Variants in PTPRD observed in about 807,000 individuals in gnomAD.
PTPRD encodes receptor-type tyrosine-protein phosphatase delta.
A neutral mutation model predicts 214.5 loss-of-function variants in PTPRD; 34 were observed. The ratio of observed to expected loss-of-function variants is 0.16; its 90% confidence interval spans 0.12 to 0.21. PTPRD has a LOEUF of 0.21. Among genes scored for constraint, PTPRD ranks in the 10% least tolerant of loss-of-function variants. The pLI is 1.00. For missense variants in PTPRD, 2,545 were observed against 2,398.7 expected, an observed-to-expected ratio of 1.06 and a Z score of -1.27; for synonymous variants, 1,128 against 845.7, an observed-to-expected ratio of 1.33 and a Z score of -5.79.
intron 2 of PTPRD, among the ~76,000 whole-genome samples, chr9:10,519,445 A>C (rs1181487129): frequency 7.9e-5 from 12 of 152,112 alleles, no homozygotes; most frequent in Admixed American, 2.6e-4. Context: ...AACATCTAAC[A>C]ATTAACCAAT....
intron 7 of PTPRD, among the ~76,000 whole-genome samples, chr9:9,711,792 A>G (rs1444258962): frequency 1.3e-5 from 2 of 151,962 alleles, no homozygotes; most frequent in Non-Finnish European, 2.9e-5. Context: ...AGACCGAAAA[A>G]CTCTGCCTTT....
At chr9:10,364,191 T>C (rs1382383153) in intron 2 of PTPRD, among the ~76,000 whole-genome samples, 1 of 151,616 alleles carries the variant, frequency 6.6e-6, no homozygotes, top group African/African-American at 2.4e-5. Flanking sequence ...TTAGTAGAGA[T>C]AGGGTTTCAC....
intron 2 of PTPRD, among the ~76,000 whole-genome samples, chr9:10,546,173 A>T (rs1185316109): frequency 3.3e-5 from 5 of 151,950 alleles, no homozygotes. Context: ...ACACAAACAG[A>T]CCCATAAACA....
At chr9:9,268,906 A>G (rs532629915) in intron 9 of PTPRD, among the ~76,000 whole-genome samples, 10 of 151,044 alleles carry the variant, frequency 6.6e-5, no homozygotes, top group Non-Finnish European at 1.2e-4. Context: ...ATAGAATTCC[A>G]GAAGAAAACA....
chr9:10,057,952 T>C (rs1291488542), intron 3 of PTPRD, among the ~76,000 whole-genome samples: 1 of 152,016 alleles, frequency 6.6e-6, no homozygotes, highest in Non-Finnish European at 1.5e-5. Context: ...TAAGAATGAC[T>C]TTAGTCTGTT....
At chr9:8,699,874 T>C (rs915727303) in intron 12 of PTPRD, among the ~76,000 whole-genome samples, 1 of 152,170 alleles carries the variant, frequency 6.6e-6, no homozygotes, top group Non-Finnish European at 1.5e-5. Context: ...GAGTTTCCCA[T>C]TGTGATAAGG....
At chr9:10,479,918 T>C (rs2099087130) in intron 2 of PTPRD, among the ~76,000 whole-genome samples, 1 of 152,114 alleles carries the variant, frequency 6.6e-6, no homozygotes, top group South Asian at 2.1e-4. Context: ...ATTGCAGGGA[T>C]GTTAAAGAAA....
At chr9:9,602,035 G>T (rs1447793286) in intron 7 of PTPRD, among the ~76,000 whole-genome samples, 1 of 151,986 alleles carries the variant, frequency 6.6e-6, no homozygotes, top group Non-Finnish European at 1.5e-5. Context: ...ATTTTTGTAG[G>T]CAGATGATCT....
intron 10 of PTPRD, among the ~76,000 whole-genome samples, chr9:9,106,659 T>C (rs1368936196): frequency 7.0e-6 from 1 of 143,120 alleles, no homozygotes; most frequent in Non-Finnish European, 1.5e-5. Flanking sequence ...GGCTCCTACC[T>C]AAGTTTAATA....
At chr9:8,615,479 T>C (rs769915769) in intron 14 of PTPRD, among the ~76,000 whole-genome samples, 12 of 152,122 alleles carry the variant, frequency 7.9e-5, no homozygotes, top group Non-Finnish European at 1.8e-4. Flanking sequence ...GTGTGGACAA[T>C]GGCCTTTCAT....
At chr9:9,002,381 C>T (rs1168972843) in intron 11 of PTPRD, among the ~76,000 whole-genome samples, 1 of 151,866 alleles carries the variant, frequency 6.6e-6, no homozygotes, top group East Asian at 1.9e-4. Context: ...TTAGGCAGCC[C>T]ATACTAAAGA....
At chr9:10,467,483 G>A (rs1342733524) in intron 2 of PTPRD, among the ~76,000 whole-genome samples, 2 of 152,078 alleles carry the variant, frequency 1.3e-5, no homozygotes, top group African/African-American at 2.4e-5. Flanking sequence ...AACTCAAAAT[G>A]AATAACAGAT....
At chr9:8,566,189 G>C (rs1452856154) in intron 14 of PTPRD, among the ~76,000 whole-genome samples, 9 of 149,172 alleles carry the variant, frequency 6.0e-5, no homozygotes, top group Non-Finnish European at 4.5e-5. Context: ...GGCAGGGGTA[G>C]TTTTTTAAGC....
At chr9:8,497,417 G>A (rs1010391115) in intron 25 of PTPRD, 149 bp from the exon 26 acceptor site, 3 of 559,494 alleles carry the variant, frequency 5.4e-6, no homozygotes, top group Middle Eastern at 4.8e-4. Flanking sequence ...TGTGTGATTT[G>A]CTGCCACCTC....
At chr9:9,053,628 T>G (rs1316545928) in intron 10 of PTPRD, among the ~76,000 whole-genome samples, 6 of 152,186 alleles carry the variant, frequency 3.9e-5, no homozygotes, top group African/African-American at 1.4e-4. Context: ...AACTGTGAGA[T>G]ATTAAATTAT....
At chr9:9,579,493 C>T (rs567865392) in intron 7 of PTPRD, among the ~76,000 whole-genome samples, 4 of 152,106 alleles carry the variant, frequency 2.6e-5, no homozygotes, top group East Asian at 1.9e-4. Context: ...CATAGGTAAA[C>T]GTGTGCCATG....
intron 3 of PTPRD, among the ~76,000 whole-genome samples, chr9:10,259,214 A>T (rs1035538639): frequency 1.3e-5 from 2 of 151,736 alleles, no homozygotes; most frequent in Non-Finnish European, 2.9e-5. Flanking sequence ...TTAGTAGAGA[A>T]GGGGTTTCAC....
At chr9:10,491,403 T>G (rs868151984) in intron 2 of PTPRD, among the ~76,000 whole-genome samples, 19 of 152,148 alleles carry the variant, frequency 1.2e-4, no homozygotes, top group Non-Finnish European at 2.5e-4. Context: ...ACTGAAGACA[T>G]GACATTTTCT....
chr9:9,459,813 A>G (rs2093459546), intron 8 of PTPRD, among the ~76,000 whole-genome samples: 1 of 152,074 alleles, frequency 6.6e-6, no homozygotes, highest in Non-Finnish European at 1.5e-5. Flanking sequence ...CAAATAACCA[A>G]TGCCATTTTT....
Sources: gnomAD v4.1 joint callset for allele counts (sites outside exome capture counted in the v4.1 genomes callset) on GRCh38, gnomAD v4.1.1 for gene constraint, MANE v1.5 for transcripts, NCBI Gene and HGNC (gene_info 2026-07-23, HGNC 2026-07-21) for gene names.